Variants in RBFOX1 observed in about 807,000 individuals in gnomAD.
RBFOX1 encodes RNA binding protein fox-1 homolog 1.
A neutral mutation model predicts 57.7 loss-of-function variants in RBFOX1; 8 were observed. That is an observed-to-expected ratio of 0.14 (90% CI 0.08 to 0.25). The LOEUF (loss-of-function observed/expected upper bound fraction) is 0.25. RBFOX1 is among the 10% of genes least tolerant of loss of function. The pLI is 1.00. For missense variants in RBFOX1, 611 were observed against 548.5 expected, an observed-to-expected ratio of 1.11 and a Z score of -1.14; for synonymous variants, 326 against 222.4, an observed-to-expected ratio of 1.47 and a Z score of -4.15.
At chr16:6,819,372 C>G (rs1049228300) in intron 3 of RBFOX1, among the ~76,000 whole-genome samples, 2 of 152,112 alleles carry the variant, frequency 1.3e-5, no homozygotes, top group African/African-American at 2.4e-5. Context: ...ACACACACAT[C>G]CTTTAACATG....
intron 3 of RBFOX1, among the ~76,000 whole-genome samples, chr16:6,839,279 C>T (rs901093805): frequency 3.9e-5 from 6 of 152,126 alleles, no homozygotes; most frequent in African/African-American, 1.4e-4. Context: ...GCCACTGTGC[C>T]CGGCACATCA....
intron 3 of RBFOX1, among the ~76,000 whole-genome samples, chr16:6,841,986 AC>A (rs1567510301): frequency 2.0e-5 from 3 of 148,154 alleles, no homozygotes; most frequent in African/African-American, 7.6e-5. Context: ...AAAAAAAAAT[AC>A]AAAAAATTAG....
At chr16:7,706,949 C>A (rs2082654515) in intron 14 of RBFOX1, among the ~76,000 whole-genome samples, 1 of 152,132 alleles carries the variant, frequency 6.6e-6, no homozygotes, top group African/African-American at 2.4e-5. Context: ...GGACCGATAC[C>A]TGTTTTTCCT....
chr16:5,310,292 C>G (rs1308353432), intron 1 of RBFOX1, among the ~76,000 whole-genome samples: 1 of 152,088 alleles, frequency 6.6e-6, no homozygotes, highest in Non-Finnish European at 1.5e-5. Flanking sequence ...GTCCCAGATA[C>G]TCAGGAGGCT....
At chr16:5,636,898 C>G (rs1596536742) in intron 3 of RBFOX1, among the ~76,000 whole-genome samples, 1 of 152,206 alleles carries the variant, frequency 6.6e-6, no homozygotes, top group African/African-American at 2.4e-5. Flanking sequence ...GAGCTGAGCT[C>G]TGAGCCTCTG....
rs1596503970 is a variant in RBFOX1, at chr16:6,999,917, C to A, written c.-15-52140C>A. Among the ~76,000 whole-genome samples, 3 of 151,908 alleles carry A rather than the reference C, an allele frequency of 2.0e-5. No homozygotes were observed. In the East Asian group the frequency reaches 5.8e-4, roughly 30 times the overall value. On this transcript the variant is annotated intron_variant, in intron 3 of 15. Transcript: ENST00000550418. The stretch of plus-strand genomic sequence containing the variant: ...TGAAACCCTGTCTTTACTAAAAATA[C>A]AGAAGTTAACCAGGTGTGGTGGCAC...
chr16:7,405,369 T>G lies in RBFOX1; in HGVS notation c.28-112778T>G, dbSNP rs372561027. Among the ~76,000 whole-genome samples the G allele has an allele frequency of 3.3e-4, 51 of 152,316 alleles. No individual in the cohort carries two copies. In the East Asian group the frequency reaches 9.3e-3, roughly 28 times the overall value. ...GAGATTAGCAGATGCAGCAGTTCAC[T>G]CCAAGGCGCTGTGCAGTTTTTTCCC... On this transcript the variant is annotated intron_variant, in intron 4 of 15. Coordinates refer to ENST00000550418, the MANE Select transcript of RBFOX1 (RefSeq NM_018723.4).
At chr16:6,768,190 C>G (rs918680025) in intron 3 of RBFOX1, among the ~76,000 whole-genome samples, 24 of 151,874 alleles carry the variant, frequency 1.6e-4, no homozygotes, top group Non-Finnish European at 5.9e-5. Flanking sequence ...GAGCTAGACT[C>G]CATCTCAAAA....
At position 7,460,367 on chromosome 16, in the gene RBFOX1, C is replaced by CAA. The variant is rs201733820; in HGVS notation, c.28-57777_28-57776dup. Among the ~76,000 whole-genome samples, 31 of 46,704 alleles carry CAA rather than the reference C, an allele frequency of 6.6e-4. 1 individual carries two copies. Among genetic ancestry groups the CAA allele is most frequent in the African/African-American group, 3.2e-3 (30 of 9,354 alleles). The allele number at this position is 46,704 out of a possible 152,430, so 30.6% of individuals were successfully genotyped here. On this transcript the variant is annotated intron_variant, in intron 4 of 15. Transcript: ENST00000550418. Reference sequence around the variant, plus strand: ...TATATGATTTGCCTTAATCATTTAGCAAAATATATATATATATATATATGT... The same window carrying CAA: ...TATATGATTTGCCTTAATCATTTAGCAAAAAATATATATATATATATATATGT...
intron 2 of RBFOX1, among the ~76,000 whole-genome samples, chr16:5,565,827 AG>A (rs2046047735): frequency 6.6e-6 from 1 of 151,938 alleles, no homozygotes; most frequent in Non-Finnish European, 1.5e-5. Context: ...GAGGCTCCTA[AG>A]GGTAGGTGGG....
intron 2 of RBFOX1, among the ~76,000 whole-genome samples, chr16:6,582,158 G>A (rs550812472): frequency 5.1e-4 from 77 of 152,258 alleles, no homozygotes; most frequent in African/African-American, 1.8e-3. Flanking sequence ...TGGACCCCTT[G>A]TAAATATAAA....
chr16:6,005,277 C>T (rs939298362), intron 4 of RBFOX1, among the ~76,000 whole-genome samples: 2 of 152,226 alleles, frequency 1.3e-5, no homozygotes, highest in Non-Finnish European at 2.9e-5. Context: ...GGAATGATCA[C>T]ACCTTCCAGG....
intron 3 of RBFOX1, among the ~76,000 whole-genome samples, chr16:6,797,293 A>G (rs1030488120): frequency 1.3e-5 from 2 of 152,150 alleles, no homozygotes; most frequent in African/African-American, 4.8e-5. Flanking sequence ...AATCTCAGAA[A>G]TCTCTATACA....
intron 1 of RBFOX1, among the ~76,000 whole-genome samples, chr16:5,310,837 C>G (rs891118151): frequency 6.6e-6 from 1 of 152,136 alleles, no homozygotes. Context: ...ACACTCTTTT[C>G]TTTAAAATTT....
intron 2 of RBFOX1, among the ~76,000 whole-genome samples, chr16:6,579,809 C>G (rs183372908): frequency 2.0e-5 from 3 of 152,220 alleles, no homozygotes. Context: ...TGGTCTCAAA[C>G]TCCTGGTCTC....
At chr16:6,308,980 T>C (rs1196413939) in intron 1 of RBFOX1, among the ~76,000 whole-genome samples, 2 of 152,020 alleles carry the variant, frequency 1.3e-5, no homozygotes, top group African/African-American at 4.8e-5. Context: ...CAAGAATACC[T>C]TGATGATATT....
At chr16:6,058,130 G>A (rs6500741) in intron 1 of RBFOX1, among the ~76,000 whole-genome samples, 1 of 151,924 alleles carries the variant, frequency 6.6e-6, no homozygotes, top group Admixed American at 6.5e-5. Flanking sequence ...TTTTGAGCAC[G>A]TGATGGGGTC....
At chr16:6,988,019 GA>G (rs928713825) in intron 3 of RBFOX1, among the ~76,000 whole-genome samples, 9 of 150,960 alleles carry the variant, frequency 6.0e-5, no homozygotes, top group East Asian at 1.9e-4. Context: ...TGTTTCTGGT[GA>G]AAAAAAAATT....
intron 1 of RBFOX1, among the ~76,000 whole-genome samples, chr16:6,183,799 G>A (rs1319392321): frequency 6.6e-6 from 1 of 152,164 alleles, no homozygotes; most frequent in Non-Finnish European, 1.5e-5. Context: ...ACCACATGAG[G>A]TGAGTGTTAG....
Sources: allele counts gnomAD v4.1 joint callset (sites outside exome capture counted in the v4.1 genomes callset), GRCh38; gene constraint gnomAD v4.1.1; transcripts MANE v1.5; gene names NCBI Gene and HGNC (gene_info 2026-07-23, HGNC 2026-07-21).